Variants in CNTN5 observed in about 807,000 individuals in gnomAD.
CNTN5 encodes contactin-5.
In CNTN5, 77 loss-of-function variants were observed where a neutral mutation model predicts 129.1. That is an observed-to-expected ratio of 0.60 (90% CI 0.50 to 0.72). The LOEUF (loss-of-function observed/expected upper bound fraction) is 0.72. Ranked by LOEUF, CNTN5 falls within the 30% of genes least tolerant of loss-of-function variation. The probability of loss-of-function intolerance (pLI) is 0.00; values close to 1 mark genes in which losing one functional copy is unlikely to be tolerated. For synonymous variants in CNTN5, 509 were observed against 465.6 expected (o/e 1.09, Z -1.20); for missense variants, 1,478 against 1,328.8 (o/e 1.11, Z -1.75).
At chr11:99,761,460 G>C (rs1219046) in intron 3 of CNTN5, among the ~76,000 whole-genome samples, 72,739 of 151,378 alleles carry the variant, frequency 0.48, 17,885 homozygotes, top group Non-Finnish European at 0.54. Context: ...GTTCCCCTTC[G>C]TGTGTCCATG....
At chr11:100,090,956 A>C (rs1005516752) in intron 13 of CNTN5, among the ~76,000 whole-genome samples, 1 of 152,050 alleles carries the variant, frequency 6.6e-6, no homozygotes, top group African/African-American at 2.4e-5. Context: ...CAGAGTTTTA[A>C]TTTTAGAAAA....
chr11:100,247,521 T>C (rs879784657), intron 16 of CNTN5, among the ~76,000 whole-genome samples: 28 of 152,208 alleles, frequency 1.8e-4, no homozygotes, highest in Admixed American at 3.3e-4. Flanking sequence ...AGTAACGTAA[T>C]GGTGGTCAGA....
chr11:100,285,767 T>G (rs59654879), intron 18 of CNTN5, among the ~76,000 whole-genome samples: 44 of 152,294 alleles, frequency 2.9e-4, no homozygotes, highest in African/African-American at 1.0e-3. Context: ...GATGGCCGAA[T>G]AGGAACAGCT....
At chr11:100,034,355 C>T (rs891310608) in intron 9 of CNTN5, among the ~76,000 whole-genome samples, 1 of 152,186 alleles carries the variant, frequency 6.6e-6, no homozygotes, top group African/African-American at 2.4e-5. Context: ...ACTAAAGTTG[C>T]TATCTCCTTT....
At chr11:100,048,248 A>C (rs1942789535) in intron 9 of CNTN5, among the ~76,000 whole-genome samples, 1 of 152,176 alleles carries the variant, frequency 6.6e-6, no homozygotes, top group Non-Finnish European at 1.5e-5. Flanking sequence ...TTGAGGGCTT[A>C]CATCAGTGGC....
At chr11:99,438,225 A>C (rs576269878) in intron 2 of CNTN5, among the ~76,000 whole-genome samples, 11 of 152,310 alleles carry the variant, frequency 7.2e-5, no homozygotes, top group South Asian at 6.2e-4. Context: ...CCAAATCATA[A>C]TTTATTTACA....
At chr11:99,534,066 T>C (rs1259721604) in intron 2 of CNTN5, among the ~76,000 whole-genome samples, 2 of 152,240 alleles carry the variant, frequency 1.3e-5, no homozygotes, top group East Asian at 3.8e-4. Context: ...AATACATTTG[T>C]AAATATAATG....
chr11:100,121,325 T>C (rs1946015372), intron 13 of CNTN5, among the ~76,000 whole-genome samples: 1 of 152,086 alleles, frequency 6.6e-6, no homozygotes. Flanking sequence ...GTGACAAAAG[T>C]CTGCCTAGGT....
intron 4 of CNTN5, 71 bp downstream of exon 4, chr11:99,819,836 A>C (rs1258249537): frequency 2.1e-6 from 2 of 968,682 alleles, no homozygotes; most frequent in African/African-American, 3.2e-5. Flanking sequence ...TACTGTTGCA[A>C]CAGAGATCAA....
intron 1 of CNTN5, among the ~76,000 whole-genome samples, chr11:99,279,263 T>A (rs1863587369): frequency 6.6e-6 from 1 of 151,852 alleles, no homozygotes; most frequent in African/African-American, 2.4e-5. Context: ...TACACCAAAA[T>A]ACATATGTGT....
chr11:99,458,478 A>G (rs2135222983), intron 2 of CNTN5, among the ~76,000 whole-genome samples: 1 of 152,136 alleles, frequency 6.6e-6, no homozygotes, highest in Admixed American at 6.6e-5. Context: ...TATAAAAACA[A>G]TATTTGTAAG....
chr11:99,768,505 A>G (rs574029082), intron 3 of CNTN5, among the ~76,000 whole-genome samples: 1 of 152,206 alleles, frequency 6.6e-6, no homozygotes, highest in African/African-American at 2.4e-5. Flanking sequence ...ATTGCCATTG[A>G]TACTTTATCT....
chr11:100,252,736 G>A (rs1949991865), intron 16 of CNTN5, among the ~76,000 whole-genome samples: 1 of 152,126 alleles, frequency 6.6e-6, no homozygotes, highest in Non-Finnish European at 1.5e-5. Context: ...CCTGGACTTG[G>A]ATGGCTAGAA....
At chr11:99,885,008 C>T (rs750979077) in intron 6 of CNTN5, among the ~76,000 whole-genome samples, 6 of 152,066 alleles carry the variant, frequency 3.9e-5, no homozygotes, top group East Asian at 1.9e-4. Context: ...AAAATCCAGG[C>T]GTGGTGGCTC....
intron 3 of CNTN5, among the ~76,000 whole-genome samples, chr11:99,735,421 T>G (rs1943672923): frequency 6.6e-6 from 1 of 152,232 alleles, no homozygotes; most frequent in Admixed American, 6.5e-5. Context: ...ACACATAGAC[T>G]ATTTCACCAA....
chr11:99,438,825 A>C (rs1285424937), intron 2 of CNTN5, among the ~76,000 whole-genome samples: 2 of 152,184 alleles, frequency 1.3e-5, no homozygotes, highest in African/African-American at 2.4e-5. Context: ...GTTTTCCAGC[A>C]AATCAACTTT....
chr11:99,241,321 T>TG lies in CNTN5; in HGVS notation c.-209-84025_-209-84024insG, dbSNP rs1430835160. 1.3e-4 allele frequency among the ~76,000 whole-genome samples: 18 copies of TG among 142,600 alleles called. 1 individual carries two copies. Among genetic ancestry groups the TG allele is most frequent in the African/African-American group, 4.0e-4 (15 of 37,602 alleles). 93.6% of individuals were successfully genotyped at this position (142,600 alleles called of 152,430 possible). A position where few individuals can be genotyped will look rare whatever the true frequency, so the allele number is the denominator to read the frequency against. On this transcript the variant is annotated intron_variant, in intron 1 of 24. Transcript: ENST00000524871. ...ACACTCCTTCATTTGATTGTTGGTT[T>TG]TTTTTTTTTTTTTTTTTTGATTCCA...
At chr11:99,468,417 C>A (rs1305151623) in intron 2 of CNTN5, among the ~76,000 whole-genome samples, 1 of 152,114 alleles carries the variant, frequency 6.6e-6, no homozygotes, top group Non-Finnish European at 1.5e-5. Flanking sequence ...GGACTTAAAT[C>A]GGAGAATGTA....
chr11:99,424,077 C>T (rs1227384670), intron 2 of CNTN5, among the ~76,000 whole-genome samples: 2 of 152,074 alleles, frequency 1.3e-5, no homozygotes, highest in Non-Finnish European at 1.5e-5. Flanking sequence ...TACGTACATA[C>T]ATACATACAT....
Sources: gnomAD v4.1 joint callset for allele counts (sites outside exome capture counted in the v4.1 genomes callset) on GRCh38, gnomAD v4.1.1 for gene constraint, MANE v1.5 for transcripts, NCBI Gene and HGNC (gene_info 2026-07-23, HGNC 2026-07-21) for gene names.